IGHMBP2: variants seen among roughly 807,000 people sequenced by gnomAD.
IGHMBP2 encodes immunoglobulin mu DNA binding protein 2, also known as DNA-binding protein SMUBP-2.
IGHMBP2 carries 81 observed loss-of-function variants against 96.0 expected under a neutral mutation model. The observed-to-expected ratio is 0.84, with a 90% CI of 0.71 to 1.01. The LOEUF (loss-of-function observed/expected upper bound fraction) is 1.01. Among genes scored for constraint, IGHMBP2 ranks in the 50% least tolerant of loss-of-function variants. The pLI is 0.00. For synonymous variants in IGHMBP2, 557 were observed against 548.9 expected (o/e 1.01, Z -0.21); for missense variants, 1,227 against 1,306.3 (o/e 0.94, Z 0.94).
chr11:68,907,097 A>C (rs1419551885), intron 2 of IGHMBP2, among the ~76,000 whole-genome samples: 1 of 151,944 alleles, frequency 6.6e-6, no homozygotes, highest in Non-Finnish European at 1.5e-5. Context: ...CCATCTCTGC[A>C]AAAAAATAGA....
intron 7 of IGHMBP2, among the ~76,000 whole-genome samples, chr11:68,918,702 C>T (rs1183802988): frequency 1.3e-5 from 2 of 152,114 alleles, no homozygotes; most frequent in African/African-American, 4.8e-5. Flanking sequence ...GACAGGGTCT[C>T]ACTATGTTGC....
intron 8 of IGHMBP2, chr11:68,929,714 G>T (rs537036481): frequency 2.0e-6 from 2 of 984,882 alleles, no homozygotes; most frequent in Non-Finnish European, 2.4e-6. Context: ...CTGGCCTCTG[G>T]GTGGATGTGG....
intron 7 of IGHMBP2, among the ~76,000 whole-genome samples, chr11:68,924,799 A>G (rs1384602108): frequency 6.6e-6 from 1 of 152,186 alleles, no homozygotes; most frequent in African/African-American, 2.4e-5. Flanking sequence ...AGGGGAAGGG[A>G]TTATGCAAGA....
Position 68,914,639 on chromosome 11 carries a change from G to A in IGHMBP2, c.712-184G>A, listed in dbSNP as rs1048664141. Among the ~76,000 whole-genome samples, 4 of 152,240 alleles carry A rather than the reference G, an allele frequency of 2.6e-5. No individual in the cohort carries two copies. In the South Asian group the frequency reaches 8.3e-4, roughly 31 times the overall value. On this transcript the variant is annotated intron_variant, in intron 5 of 14. Transcript: ENST00000255078. The stretch of plus-strand genomic sequence containing the variant: ...AGGGCTTTCTGTATCCTGGGTTCTT[G>A]CCTTGGGGTACCGGAAGAATCGGAT...
intron 7 of IGHMBP2, 122 bp downstream of exon 7, chr11:68,918,005 G>A: frequency 9.3e-7 from 1 of 1,078,250 alleles, no homozygotes; most frequent in Non-Finnish European, 1.4e-6. Context: ...GTTGGGTAGG[G>A]TTCACTAGGG....
chr11:68,909,179 G>T (rs933838503), intron 4 of IGHMBP2, among the ~76,000 whole-genome samples: 8 of 116,334 alleles, frequency 6.9e-5, no homozygotes, highest in East Asian at 2.4e-4. Context: ...TTTTTGGCGG[G>T]GGGGGTGGAG....
Position 68,914,437 on chromosome 11 carries a change from T to C in IGHMBP2, c.712-386T>C, listed in dbSNP as rs950283826. Among the ~76,000 whole-genome samples the C allele has an allele frequency of 3.3e-5, 5 of 152,366 alleles. No individual in the cohort carries two copies. The East Asian group carries it at 9.6e-4, about 29-fold the overall frequency. Reference sequence around the variant, plus strand: ...GTGGCTCGCTTCTTCAGTGTCCTGCTGCTCAGACCTGCAGGGGAGCATACA... The same window carrying C: ...GTGGCTCGCTTCTTCAGTGTCCTGCCGCTCAGACCTGCAGGGGAGCATACA... On this transcript the variant is annotated intron_variant, in intron 5 of 14. Coordinates refer to ENST00000255078, the MANE Select transcript of IGHMBP2 (RefSeq NM_002180.3).
At position 68,934,448 on chromosome 11, in the gene IGHMBP2, CTT is replaced by C; in HGVS notation, c.1538-14_1538-13del. Reference sequence around the variant, plus strand: ...GGCGACCTTGTGCTGCTCACCCGTTCTTTCTTTCCCTCCAGGCGAAGTCCGCC... The same window carrying C: ...GGCGACCTTGTGCTGCTCACCCGTTCTCTTTCCCTCCAGGCGAAGTCCGCC... On this transcript the variant is annotated splice_polypyrimidine_tract_variant and intron_variant, in intron 10 of 14. Transcript: ENST00000255078. 1 of 1,590,924 alleles carries C rather than the reference CTT, an allele frequency of 6.3e-7. No homozygotes were observed. Among genetic ancestry groups the C allele is most frequent in the Non-Finnish European group, 8.6e-7 (1 of 1,165,504 alleles).
At chr11:68,922,358 T>C (rs1307640502) in intron 7 of IGHMBP2, among the ~76,000 whole-genome samples, 2 of 151,874 alleles carry the variant, frequency 1.3e-5, no homozygotes, top group Non-Finnish European at 2.9e-5. Context: ...TTATCACTGG[T>C]TTTAAGCAAT....
chr11:68,907,786 A>T lies in IGHMBP2; in HGVS notation c.257-359A>T, dbSNP rs556907225. Among the ~76,000 whole-genome samples, 8 of 151,978 alleles carry T rather than the reference A, an allele frequency of 5.3e-5. No individual in the cohort carries two copies. The East Asian group carries it at 1.6e-3, about 30-fold the overall frequency. On this transcript the variant is annotated intron_variant, in intron 2 of 14. Transcript: ENST00000255078. ...GCTCAGGCCGGAGTGCAGTGGTGCA[A>T]TCTTGGCTCACTGCAGCCTCAGCCT... is the stretch of plus-strand genomic sequence containing the variant.
intron 7 of IGHMBP2, among the ~76,000 whole-genome samples, chr11:68,928,958 G>A (rs1859169819): frequency 6.6e-6 from 1 of 152,252 alleles, no homozygotes; most frequent in African/African-American, 2.4e-5. Flanking sequence ...TTGAAGATCA[G>A]AGGGGCCTGT....
intron 1 of IGHMBP2, among the ~76,000 whole-genome samples, chr11:68,904,398 C>T (rs1355665475): frequency 6.6e-6 from 1 of 152,130 alleles, no homozygotes; most frequent in Admixed American, 6.5e-5. Flanking sequence ...TCAGTCAGGC[C>T]CCGGCAGCAT....
chr11:68,932,841 G>A (rs1859364925), intron 8 of IGHMBP2: 1 of 176,638 alleles, frequency 5.7e-6, no homozygotes, highest in Admixed American at 5.5e-5. Flanking sequence ...TTCTTCTGGA[G>A]GATCCAGGGG....
intron 9 of IGHMBP2, 99 bp from the exon 10 acceptor site, chr11:68,933,696 C>A: frequency 9.2e-7 from 1 of 1,084,850 alleles, no homozygotes; most frequent in Non-Finnish European, 1.4e-6. Flanking sequence ...TCCTCCCCTA[C>A]CTAAGCCTTT....
rs1406218110 is a variant in IGHMBP2, at chr11:68,917,882, A to AGGTGAGG, written c.1060+2_1060+8dup. 6.2e-7 allele frequency: 1 copy of AGGTGAGG among 1,613,932 alleles called. No homozygotes were observed. The highest frequency in any genetic ancestry group is 1.1e-5 in the South Asian group (1 of 91,070). On this transcript the variant is annotated frameshift_variant and splice_region_variant, in exon 7 of 15. Coordinates refer to ENST00000255078, the MANE Select transcript of IGHMBP2 (RefSeq NM_002180.3). LOFTEE classifies it high-confidence loss of function. ...CAAACGTGGTCCTTGCAACAAACAC[A>AGGTGAGG]GGTGAGGGGGCGTCTCCATCCTGCC...
At chr11:68,916,751 T>C (rs2154007399) in intron 6 of IGHMBP2, among the ~76,000 whole-genome samples, 1 of 152,006 alleles carries the variant, frequency 6.6e-6, no homozygotes, top group East Asian at 1.9e-4. Flanking sequence ...GGCCGCCTGC[T>C]GGGAGGGGGA....
rs750663506 is a variant in IGHMBP2 at position 68,917,908 on chromosome 11, T to C, written c.1060+25T>C. 9 of 1,612,714 alleles carry C rather than the reference T, an allele frequency of 5.6e-6. No homozygotes were observed. In the East Asian group the frequency reaches 1.1e-4, roughly 20 times the overall value. On this transcript the variant is annotated intron_variant, in intron 7 of 14. Transcript: ENST00000255078. Reference sequence around the variant, plus strand: ...GGTGAGGGGGCGTCTCCATCCTGCCTGTGTGGCCTCGAAGAAGGAGTTGGG... The same window carrying C: ...GGTGAGGGGGCGTCTCCATCCTGCCCGTGTGGCCTCGAAGAAGGAGTTGGG...
intron 4 of IGHMBP2, among the ~76,000 whole-genome samples, chr11:68,909,210 C>T (rs1396614575): frequency 7.9e-5 from 11 of 138,670 alleles, no homozygotes; most frequent in East Asian, 2.2e-4. Context: ...GATGGAGTCT[C>T]GCTCTGTCAC....
chr11:68,908,651 C>T lies in IGHMBP2; in HGVS notation c.547+20C>T, dbSNP rs778324431. On this transcript the variant is annotated intron_variant, in intron 4 of 14. Transcript: ENST00000255078. ...AAATACGTAAGAACTTCTGAGTTTT[C>T]TTTTTTGGTTGAAATCACTACTGAA... 1 of 1,557,676 alleles carries T rather than the reference C, an allele frequency of 6.4e-7. No homozygotes were observed. Among genetic ancestry groups the T allele is most frequent in the African/African-American group, 1.4e-5 (1 of 73,826 alleles).
Sources: gnomAD v4.1 joint callset for allele counts (sites outside exome capture counted in the v4.1 genomes callset) on GRCh38, gnomAD v4.1.1 for gene constraint, MANE v1.5 for transcripts, NCBI Gene and HGNC (gene_info 2026-07-23, HGNC 2026-07-21) for gene names.